Variants in GLIS3 observed in about 807,000 individuals in gnomAD.
GLIS3 encodes GLIS family zinc finger 3.
In GLIS3, 53 loss-of-function variants were observed where a neutral mutation model predicts 78.6. The ratio of observed to expected loss-of-function variants is 0.67; its 90% CI spans 0.54 to 0.85. The LOEUF is 0.85. Ranked by LOEUF, GLIS3 falls within the 40% of genes least tolerant of loss-of-function variation. GLIS3 has a pLI of 0.00. For synonymous variants in GLIS3, 684 were observed against 509.9 expected (o/e 1.34, Z -4.60); for missense variants, 1,703 against 1,231.1 (o/e 1.38, Z -5.74).
intron 2 of GLIS3, among the ~76,000 whole-genome samples, chr9:4,143,241 T>TTGTG (rs140580360): frequency 1.3e-4 from 20 of 150,554 alleles, no homozygotes; most frequent in Non-Finnish European, 2.5e-4. Flanking sequence ...ACGTGTGTAT[T>TTGTG]TGTGTGTGTG....
intron 8 of GLIS3, chr9:3,875,615 G>A (rs1821259284): frequency 6.6e-6 from 1 of 152,208 alleles, no homozygotes; most frequent in Non-Finnish European, 1.5e-5. Context: ...ACCAAAAGCG[G>A]AAGGTAAGCA....
At chr9:4,032,629 G>T (rs980187543) in intron 4 of GLIS3, among the ~76,000 whole-genome samples, 2 of 152,134 alleles carry the variant, frequency 1.3e-5, no homozygotes, top group African/African-American at 4.8e-5. Flanking sequence ...CATACGCAAC[G>T]TGTCAAGTGA....
chr9:4,352,244 T>C (rs1291988568), upstream of GLIS3, among the ~76,000 whole-genome samples: 1 of 152,226 alleles, frequency 6.6e-6, no homozygotes, highest in Non-Finnish European at 1.5e-5. Flanking sequence ...GTGTTCTCTT[T>C]GGGGAGGCTA....
chr9:4,183,147 G>A (rs1404729549), intron 2 of GLIS3, among the ~76,000 whole-genome samples: 1 of 152,208 alleles, frequency 6.6e-6, no homozygotes, highest in Non-Finnish European at 1.5e-5. Context: ...CTGCCACAGT[G>A]AAAGAACAGT....
intron 4 of GLIS3, among the ~76,000 whole-genome samples, chr9:4,098,213 G>C (rs1040725597): frequency 6.6e-6 from 1 of 152,164 alleles, no homozygotes; most frequent in African/African-American, 2.4e-5. Context: ...TTACTTAAAT[G>C]CTAGTTCCCT....
the GLIS3 span, among the ~76,000 whole-genome samples, chr9:4,459,054 G>A: frequency 6.6e-6 from 1 of 152,114 alleles, no homozygotes; most frequent in Non-Finnish European, 1.5e-5. Flanking sequence ...AAAATAATGA[G>A]ATGAGAAGAA....
At chr9:4,194,333 T>C (rs1818606211) in intron 2 of GLIS3, among the ~76,000 whole-genome samples, 1 of 152,196 alleles carries the variant, frequency 6.6e-6, no homozygotes, top group Admixed American at 6.5e-5. Context: ...GTGCTAGGAT[T>C]ACAGGCGTGA....
intron 4 of GLIS3, among the ~76,000 whole-genome samples, chr9:3,956,896 C>G (rs1554657747): frequency 6.6e-6 from 1 of 152,032 alleles, no homozygotes; most frequent in Non-Finnish European, 1.5e-5. Flanking sequence ...CTCTCAGGCA[C>G]ATCAATAACA....
chr9:4,106,426 G>T lies in GLIS3; in HGVS notation c.1710+11342C>A, dbSNP rs184680860. Among the ~76,000 whole-genome samples, 22 of 152,264 alleles carry T rather than the reference G, an allele frequency of 1.4e-4. No individual in the cohort carries two copies. In the East Asian group the frequency reaches 4.0e-3, roughly 28 times the overall value. On this transcript the variant is annotated intron_variant, in intron 4 of 10. Transcript: ENST00000381971. ...CCGGTAGAACACTGAGACAGGCCTT[G>T]ACCCAGGGCTGTGGTATTGCATGAT...
At chr9:4,459,364 T>A in the GLIS3 span, among the ~76,000 whole-genome samples, 1 of 152,078 alleles carries the variant, frequency 6.6e-6, no homozygotes, top group Admixed American at 6.5e-5. Flanking sequence ...TATCCAATCT[T>A]TAGGGATTGG....
At chr9:4,202,631 A>G (rs1247422873) in intron 2 of GLIS3, among the ~76,000 whole-genome samples, 1 of 152,096 alleles carries the variant, frequency 6.6e-6, no homozygotes. Context: ...ACACAGACCA[A>G]TGGAATAGAA....
At chr9:3,933,814 G>A (rs557681298) in intron 5 of GLIS3, among the ~76,000 whole-genome samples, 7 of 152,208 alleles carry the variant, frequency 4.6e-5, no homozygotes, top group Non-Finnish European at 1.0e-4. Flanking sequence ...TACATTATTT[G>A]ACCTGCTAGA....
chr9:4,105,964 T>C (rs1385450800), intron 4 of GLIS3, among the ~76,000 whole-genome samples: 5 of 152,162 alleles, frequency 3.3e-5, no homozygotes, highest in Non-Finnish European at 5.9e-5. Context: ...GAGGGACAAC[T>C]AGAGATAATT....
intron 6 of GLIS3, among the ~76,000 whole-genome samples, chr9:3,920,970 G>C (rs1824850431): frequency 6.6e-6 from 1 of 152,082 alleles, no homozygotes; most frequent in Non-Finnish European, 1.5e-5. Flanking sequence ...TTTGAAATGA[G>C]GAAAACTTCT....
At chr9:4,045,407 C>G (rs1825164118) in intron 4 of GLIS3, among the ~76,000 whole-genome samples, 1 of 152,048 alleles carries the variant, frequency 6.6e-6, no homozygotes, top group Admixed American at 6.5e-5. Flanking sequence ...GCGATCTCGG[C>G]TCACTGCATC....
At chr9:4,138,860 T>C (rs527935693) in intron 2 of GLIS3, among the ~76,000 whole-genome samples, 1 of 152,314 alleles carries the variant, frequency 6.6e-6, no homozygotes, top group East Asian at 1.9e-4. Context: ...TAAGATGTTA[T>C]CAGATTGCAC....
At chr9:4,206,211 G>C (rs1425959529) in intron 2 of GLIS3, among the ~76,000 whole-genome samples, 1 of 152,304 alleles carries the variant, frequency 6.6e-6, no homozygotes, top group East Asian at 1.9e-4. Context: ...AAGGGATATT[G>C]CAAGTGAGTA....
At chr9:3,898,669 G>T in intron 7 of GLIS3, 22 bp downstream of exon 7, 2 of 1,613,998 alleles carry the variant, frequency 1.2e-6, no homozygotes, top group Non-Finnish European at 1.7e-6. Context: ...GTTGTGGTTG[G>T]CTCTGCCTTT....
At chr9:4,192,997 T>A (rs1487606756) in intron 2 of GLIS3, among the ~76,000 whole-genome samples, 1 of 152,246 alleles carries the variant, frequency 6.6e-6, no homozygotes, top group East Asian at 1.9e-4. Context: ...GCTATGATGC[T>A]GGACCTGTGA....
Sources: gnomAD v4.1 joint callset for allele counts (sites outside exome capture counted in the v4.1 genomes callset) on GRCh38, gnomAD v4.1.1 for gene constraint, MANE v1.5 for transcripts, NCBI Gene and HGNC (gene_info 2026-07-23, HGNC 2026-07-21) for gene names.